Variants in LRRTM4 observed in about 807,000 individuals in gnomAD.
LRRTM4 encodes leucine-rich repeat transmembrane neuronal protein 4.
A neutral mutation model predicts 47.6 loss-of-function variants in LRRTM4; 25 were observed. That is an observed-to-expected ratio of 0.53 (90% CI 0.38 to 0.73). LRRTM4 has a LOEUF of 0.73. Ranked by LOEUF, LRRTM4 falls within the 30% of genes least tolerant of loss-of-function variation. The pLI is 0.00. For missense variants in LRRTM4, 638 were observed against 713.4 expected, an observed-to-expected ratio of 0.89 and a Z score of 1.20; for synonymous variants, 311 against 269.5, an observed-to-expected ratio of 1.15 and a Z score of -1.51.
chr2:76,864,727 CCTTT>C (rs1408638914), intron 3 of LRRTM4, among the ~76,000 whole-genome samples: 6 of 151,182 alleles, frequency 4.0e-5, no homozygotes, highest in Non-Finnish European at 8.8e-5. Flanking sequence ...CAATTTTTTC[CCTTT>C]CTTTTTTAAG....
chr2:76,952,574 C>T (rs1558758859), intron 3 of LRRTM4, among the ~76,000 whole-genome samples: 1 of 151,872 alleles, frequency 6.6e-6, no homozygotes, highest in Non-Finnish European at 1.5e-5. Context: ...AAGGGGAACA[C>T]TTATACACTG....
intron 3 of LRRTM4, among the ~76,000 whole-genome samples, chr2:77,189,834 C>T (rs1006954711): frequency 1.3e-5 from 2 of 151,966 alleles, no homozygotes; most frequent in African/African-American, 2.4e-5. Flanking sequence ...TACATAACTA[C>T]TTATAACTAT....
rs527846432 is a variant in LRRTM4 at position 77,441,716 on chromosome 2, A to G, written c.1551+76602T>C. ...TCTTATTTCAATGGACCATAAAAGC[A>G]TGTTTTTTTCTATCTTATAGTTGTA... On this transcript the variant is annotated intron_variant, in intron 3 of 3. Coordinates refer to ENST00000409884, the MANE Select transcript of LRRTM4 (RefSeq NM_001134745.3). Among the ~76,000 whole-genome samples the G allele has an allele frequency of 2.0e-5, 3 of 152,276 alleles. No individual in the cohort carries two copies. The South Asian group carries it at 6.2e-4, about 32-fold the overall frequency.
intron 3 of LRRTM4, among the ~76,000 whole-genome samples, chr2:77,000,291 C>A (rs1677368644): frequency 6.7e-6 from 1 of 149,108 alleles, no homozygotes; most frequent in Admixed American, 6.8e-5. Context: ...ATCTCCTTCT[C>A]AGCCTTAAGG....
rs143906955 is a variant in LRRTM4, at chr2:77,235,486, A to T, written c.1551+282832T>A. On this transcript the variant is annotated intron_variant, in intron 3 of 3. Coordinates refer to ENST00000409884, the MANE Select transcript of LRRTM4 (RefSeq NM_001134745.3). ...GTTCTGGTGGGGGTACTCTGTTGAT[A>T]GTTTCTTTTGCTGTACAAAACCTCT... Among the ~76,000 whole-genome samples the T allele has an allele frequency of 1.6e-3, 249 of 152,094 alleles. 1 individual carries two copies. The highest frequency in any genetic ancestry group is 5.1e-3 in the African/African-American group (211 of 41,490).
Position 77,522,118 on chromosome 2 carries a change from C to T in LRRTM4, c.-157G>A, listed in dbSNP as rs974535038. The T allele has an allele frequency of 5.6e-6, 4 of 716,022 alleles. No homozygotes were observed. The African/African-American group carries it at 7.0e-5, about 13-fold the overall frequency. The allele number at this position is 716,022 out of a possible 1,614,324, so 44.4% of individuals were successfully genotyped here. On this transcript the variant is annotated 5_prime_UTR_variant, in exon 1 of 4. Coordinates refer to ENST00000409884, the MANE Select transcript of LRRTM4 (RefSeq NM_001134745.3). ...AAAATCTTCAGAATACCTGGCATTC[C>T]TTATTGTGCTGGCTTTTGCCATTCC...
intron 3 of LRRTM4, among the ~76,000 whole-genome samples, chr2:77,281,634 C>T (rs546207313): frequency 2.0e-5 from 3 of 151,880 alleles, no homozygotes; most frequent in African/African-American, 7.2e-5. Flanking sequence ...CTGTTCTCAA[C>T]TGCTAAATTC....
intron 3 of LRRTM4, among the ~76,000 whole-genome samples, chr2:77,495,772 T>C (rs1408582929): frequency 6.6e-6 from 1 of 152,080 alleles, no homozygotes; most frequent in Non-Finnish European, 1.5e-5. Context: ...TTGTTTTACA[T>C]ACCAATGTTT....
intron 3 of LRRTM4, among the ~76,000 whole-genome samples, chr2:77,052,112 T>A (rs551831707): frequency 1.4e-5 from 2 of 147,326 alleles, no homozygotes; most frequent in East Asian, 3.9e-4. Flanking sequence ...AAAGGATTCC[T>A]GGGAAAAGGA....
At chr2:76,842,432 GA>G (rs1476278540) in intron 3 of LRRTM4, among the ~76,000 whole-genome samples, 3 of 152,154 alleles carry the variant, frequency 2.0e-5, no homozygotes, top group Admixed American at 6.6e-5. Flanking sequence ...ACATACATAT[GA>G]TGCTCTTTGA....
At position 77,518,750 on chromosome 2, in the gene LRRTM4, C is replaced by G; in HGVS notation, c.1119G>C (p.Leu373=). The G allele has an allele frequency of 1.2e-6, 2 of 1,613,310 alleles. No homozygotes were observed. The highest frequency in any genetic ancestry group is 1.7e-6 in the Non-Finnish European group (2 of 1,179,614). ...VQVVNTERSH[L]VPQTPQKPLI... ...GAGGTTTCTGGGGAGTTTGGGGCAC[C>G]AGGTGTGATCTTTCTGTGTTGACCA... Residue 373 remains leucine, a synonymous_variant, in exon 3 of 4, where the codon CTG becomes CTC. Transcript: ENST00000409884.
chr2:77,485,761 A>T (rs1366682933), intron 3 of LRRTM4, among the ~76,000 whole-genome samples: 2 of 152,056 alleles, frequency 1.3e-5, no homozygotes, highest in Non-Finnish European at 1.5e-5. Flanking sequence ...ACAAGGTCTC[A>T]CTCCCATTAT....
intron 3 of LRRTM4, among the ~76,000 whole-genome samples, chr2:77,299,078 A>G (rs1367097876): frequency 6.6e-6 from 1 of 152,142 alleles, no homozygotes; most frequent in African/African-American, 2.4e-5. Context: ...AATGAGACAC[A>G]GGGAGATTCC....
chr2:77,101,483 T>C (rs1670950808), intron 3 of LRRTM4, among the ~76,000 whole-genome samples: 1 of 152,200 alleles, frequency 6.6e-6, no homozygotes, highest in Non-Finnish European at 1.5e-5. Flanking sequence ...GTATATATTA[T>C]GCCAAGCAAT....
At chr2:77,120,719 G>C (rs1450835877) in intron 3 of LRRTM4, among the ~76,000 whole-genome samples, 1 of 151,538 alleles carries the variant, frequency 6.6e-6, no homozygotes, top group African/African-American at 2.4e-5. Flanking sequence ...TTTTTATAAA[G>C]GACAATATTT....
At chr2:77,164,845 C>T (rs1162709574) in intron 3 of LRRTM4, among the ~76,000 whole-genome samples, 2 of 152,052 alleles carry the variant, frequency 1.3e-5, no homozygotes, top group Non-Finnish European at 2.9e-5. Context: ...GCACCAAATG[C>T]CCACAAGAGA....
chr2:77,311,492 C>T (rs1677456781), intron 3 of LRRTM4, among the ~76,000 whole-genome samples: 1 of 152,156 alleles, frequency 6.6e-6, no homozygotes, highest in African/African-American at 2.4e-5. Flanking sequence ...GCTTCAAGTC[C>T]TTGCTTTGCA....
intron 3 of LRRTM4, among the ~76,000 whole-genome samples, chr2:76,803,015 A>T (rs149488745): frequency 1.2e-3 from 177 of 152,304 alleles, no homozygotes; most frequent in African/African-American, 4.1e-3. Flanking sequence ...AAAACAGGGG[A>T]TAAGCTCCAT....
intron 3 of LRRTM4, among the ~76,000 whole-genome samples, chr2:77,403,696 C>T (rs1341058692): frequency 2.0e-5 from 3 of 151,666 alleles, no homozygotes; most frequent in Non-Finnish European, 4.4e-5. Context: ...CCTTTGAAAC[C>T]TTGCTCTATA....
Sources: allele counts gnomAD v4.1 joint callset (sites outside exome capture counted in the v4.1 genomes callset), GRCh38; gene constraint gnomAD v4.1.1; transcripts MANE v1.5; gene names NCBI Gene and HGNC (gene_info 2026-07-23, HGNC 2026-07-21).